RNFT2: variants seen among roughly 807,000 people sequenced by gnomAD.
RNFT2 encodes the protein ring finger protein, transmembrane 2.
RNFT2 carries 36 observed loss-of-function variants against 53.0 expected under a neutral mutation model. The ratio of observed to expected loss-of-function variants is 0.68; its 90% confidence interval spans 0.52 to 0.90. RNFT2 has a LOEUF of 0.90. Among genes scored for constraint, RNFT2 ranks in the 40% least tolerant of loss-of-function variants. The probability of loss-of-function intolerance (pLI) is 0.00; values close to 1 mark genes in which losing one functional copy is unlikely to be tolerated. For synonymous variants in RNFT2, 260 were observed against 253.2 expected (o/e 1.03, Z -0.26); for missense variants, 514 against 585.6 (o/e 0.88, Z 1.26).
At chr12:116,842,873 G>A (rs776460863) in intron 10 of RNFT2, among the ~76,000 whole-genome samples, 2 of 151,958 alleles carry the variant, frequency 1.3e-5, no homozygotes, top group East Asian at 1.9e-4. Flanking sequence ...TGTGCCCGGC[G>A]TGTTTATACT....
intron 4 of RNFT2, among the ~76,000 whole-genome samples, chr12:116,751,784 G>C (rs950012082): frequency 1.3e-5 from 2 of 151,406 alleles, no homozygotes; most frequent in Non-Finnish European, 2.9e-5. Context: ...TTTTGAGATG[G>C]AGTCTCACTC....
chr12:116,739,630 G>T (rs1369083185), intron 1 of RNFT2, among the ~76,000 whole-genome samples: 1 of 152,242 alleles, frequency 6.6e-6, no homozygotes, highest in Non-Finnish European at 1.5e-5. Context: ...GTATTCCAAG[G>T]GGAGGGCACA....
intron 7 of RNFT2, among the ~76,000 whole-genome samples, chr12:116,833,502 C>A (rs543669044): frequency 6.6e-6 from 1 of 152,218 alleles, no homozygotes; most frequent in Non-Finnish European, 1.5e-5. Flanking sequence ...ACCCACTCTC[C>A]AGCCCTCTGC....
At chr12:116,767,163 T>C (rs545780248) in intron 6 of RNFT2, among the ~76,000 whole-genome samples, 4 of 152,346 alleles carry the variant, frequency 2.6e-5, no homozygotes, top group Non-Finnish European at 5.9e-5. Flanking sequence ...GAATCAATTA[T>C]AATAATTGAT....
rs778709118 is a variant in RNFT2 at position 116,750,066 on chromosome 12, G to C, written c.309G>C (p.Glu103Asp). The change falls in exon 4 of 11, where the codon GAG becomes GAC. Residue 103 changes from glutamate (E) to aspartate (D), a missense_variant. Physicochemically the swap from Glu to Asp is conservative, Grantham distance 45. Coordinates refer to ENST00000257575, the MANE Select transcript of RNFT2 (RefSeq NM_001382266.1). ...GGGAGGAAGGAGGGGGCCGGGGCGA[G>C]GGGGGCGCCTACCACCACCGCCAGC... ...ASREEGGGRG[E>D]GGAYHHRQPH... is the part of the protein sequence containing the mutation. The C allele has an allele frequency of 6.5e-7, 1 of 1,546,152 alleles. No homozygotes were observed. The highest frequency in any genetic ancestry group is 1.7e-4 in the Middle Eastern group (1 of 5,956).
In RNFT2 at chr12:116,851,976, G is replaced by A. The variant is rs1877951683; in HGVS notation, c.*2528G>A. 6.7e-7 allele frequency: 1 copy of A among 1,499,754 alleles called. No individual in the cohort carries two copies. Among genetic ancestry groups the A allele is most frequent in the African/African-American group, 1.4e-5 (1 of 71,784 alleles). The allele number at this position is 1,499,754 out of a possible 1,614,324, so 92.9% of individuals were successfully genotyped here. On this transcript the variant is annotated 3_prime_UTR_variant, in exon 11 of 11. Transcript: ENST00000257575. ...GAGCAAACAGGACAACCTATGTTAT[G>A]GATGTTTCCACCAACCAGGGTAGTG...
Position 116,743,245 on chromosome 12 carries a change from C to CAAAAAAAAAAAAAAA in RNFT2, c.83+2151_83+2152insAAAAAAAAAAAAAAA. ...AAAAAAAAAAAAAAAAAAAAAAAAACCGGTTAAAAAACACTCATGAGCTAG... is the reference window on the plus strand; with the variant it reads ...AAAAAAAAAAAAAAAAAAAAAAAAACAAAAAAAAAAAAAAACGGTTAAAAAACACTCATGAGCTAG... On this transcript the variant is annotated intron_variant, in intron 3 of 10. Transcript: ENST00000257575. Among the ~76,000 whole-genome samples the CAAAAAAAAAAAAAAA allele has an allele frequency of 1.6e-3, 44 of 27,172 alleles. 2 individuals carry two copies. The highest frequency in any genetic ancestry group is 2.6e-3 in the Non-Finnish European group (39 of 15,156). 17.8% of individuals were successfully genotyped at this position (27,172 alleles called of 152,430 possible). A position where few individuals can be genotyped will look rare whatever the true frequency, so the allele number is the denominator to read the frequency against.
chr12:116,794,646 A>AGGAGGGAGGGAGGGATGGAGGGAG, intron 7 of RNFT2, among the ~76,000 whole-genome samples: 1 of 26,634 alleles, frequency 3.8e-5, no homozygotes, highest in East Asian at 1.4e-3. Flanking sequence ...AGGGGAGGGG[A>AGGAGGGAGGGAGGGATGGAGGGAG]GAAGGAAGGA....
In RNFT2 at chr12:116,805,631, C is replaced by G. The variant is rs553621202; in HGVS notation, c.882+26283C>G. On this transcript the variant is annotated intron_variant, in intron 7 of 10. Transcript: ENST00000257575. ...CTGGGACCACAGGTGTGAGCCGCCA[C>G]ACTGGCTAATTTTTATAATTTTATT... 3.3e-5 allele frequency among the ~76,000 whole-genome samples: 5 copies of G among 152,284 alleles called. No individual in the cohort carries two copies. In the South Asian group the frequency reaches 1.0e-3, roughly 32 times the overall value.
intron 4 of RNFT2, among the ~76,000 whole-genome samples, chr12:116,752,807 G>T (rs1040062229): frequency 3.9e-5 from 6 of 152,158 alleles, no homozygotes; most frequent in African/African-American, 1.4e-4. Flanking sequence ...GAACCCAGGA[G>T]GTGGAGGTTG....
intron 7 of RNFT2, among the ~76,000 whole-genome samples, chr12:116,831,505 AC>A (rs373137842): frequency 8.7e-5 from 13 of 149,966 alleles, no homozygotes; most frequent in African/African-American, 3.2e-4. Context: ...ACATAATCAG[AC>A]CCTCTTTTTT....
intron 7 of RNFT2, among the ~76,000 whole-genome samples, chr12:116,802,907 T>G (rs1874868498): frequency 6.7e-6 from 1 of 150,108 alleles, no homozygotes. Flanking sequence ...CCAGCCTGGG[T>G]GGCATGGTGA....
chr12:116,837,751 T>C (rs1023611902), intron 10 of RNFT2, among the ~76,000 whole-genome samples: 2 of 151,974 alleles, frequency 1.3e-5, no homozygotes, highest in Non-Finnish European at 2.9e-5. Flanking sequence ...GAGTCTGGAG[T>C]TGAGTTAATA....
intron 6 of RNFT2, among the ~76,000 whole-genome samples, chr12:116,777,707 T>C (rs2137114934): frequency 6.6e-6 from 1 of 152,242 alleles, no homozygotes; most frequent in South Asian, 2.1e-4. Flanking sequence ...CACCGCAGGG[T>C]CTGTAATCTG....
intron 7 of RNFT2, among the ~76,000 whole-genome samples, chr12:116,818,643 C>A (rs147669904): frequency 3.3e-5 from 5 of 152,298 alleles, no homozygotes; most frequent in African/African-American, 1.2e-4. Flanking sequence ...GAGGGTGTAT[C>A]GTCCACTGTC....
At chr12:116,810,465 A>T (rs1404233948) in intron 7 of RNFT2, among the ~76,000 whole-genome samples, 2 of 152,146 alleles carry the variant, frequency 1.3e-5, no homozygotes, top group Non-Finnish European at 2.9e-5. Flanking sequence ...GAATCTGCCC[A>T]GTGGCTCAGG....
chr12:116,740,937 A>T, intron 2 of RNFT2, 99 bp from the exon 3 acceptor site: 3 of 996,074 alleles, frequency 3.0e-6, no homozygotes, highest in Non-Finnish European at 4.7e-6. Flanking sequence ...GGGGTCTAAG[A>T]TACGACTAGT....
chr12:116,760,375 C>T (rs1440748403), intron 5 of RNFT2, among the ~76,000 whole-genome samples: 1 of 152,156 alleles, frequency 6.6e-6, no homozygotes, highest in Non-Finnish European at 1.5e-5. Context: ...GGCTTCTTAC[C>T]CTGTTCAAAT....
At chr12:116,812,668 G>A (rs555388062) in intron 7 of RNFT2, among the ~76,000 whole-genome samples, 1 of 152,034 alleles carries the variant, frequency 6.6e-6, no homozygotes, top group African/African-American at 2.4e-5. Context: ...CTGAGTAGCT[G>A]CGATTACAGC....
Sources: allele counts gnomAD v4.1 joint callset (sites outside exome capture counted in the v4.1 genomes callset), GRCh38; gene constraint gnomAD v4.1.1; transcripts MANE v1.5; gene names NCBI Gene and HGNC (gene_info 2026-07-23, HGNC 2026-07-21).